Variants in PPP3CA observed in about 807,000 individuals in gnomAD.
PPP3CA encodes the protein protein phosphatase 3 catalytic subunit alpha, also known as CAM-PRP catalytic subunit.
Under a neutral mutation model 66.5 loss-of-function variants are expected in PPP3CA, and 14 were observed. The ratio of observed to expected loss-of-function variants is 0.21; its 90% CI spans 0.14 to 0.33. PPP3CA has a LOEUF of 0.33. PPP3CA is among the 10% of genes least tolerant of loss of function. PPP3CA has a pLI of 1.00. For missense variants in PPP3CA, 317 were observed against 639.5 expected (o/e 0.50, Z 5.44); for synonymous variants, 232 against 226.2 (o/e 1.03, Z -0.23).
At chr4:101,060,367 A>C (rs1030618490) in intron 10 of PPP3CA, among the ~76,000 whole-genome samples, 10 of 152,042 alleles carry the variant, frequency 6.6e-5, no homozygotes, top group African/African-American at 2.4e-4. Context: ...CCCGGCCTCA[A>C]CTGTACTTCT....
chr4:101,211,844 T>C (rs999475011), intron 1 of PPP3CA, among the ~76,000 whole-genome samples: 6 of 152,188 alleles, frequency 3.9e-5, no homozygotes, highest in South Asian at 2.1e-4. Flanking sequence ...GAGCTCTACA[T>C]GCAACAAACT....
rs1156736728 is a variant in PPP3CA, at chr4:101,106,373, A to AAAAG, written c.384+2577_384+2580dup. On this transcript the variant is annotated intron_variant, in intron 3 of 13. Coordinates refer to ENST00000394854, the MANE Select transcript of PPP3CA (RefSeq NM_000944.5). ...AGACCCTGTCTCATTTAAAAGAGAG[A>AAAAG]AAAGAAAGAAAGAAAGAAAGAAAGA... is the stretch of plus-strand genomic sequence containing the variant. 2.7e-3 allele frequency among the ~76,000 whole-genome samples: 38 copies of AAAAG among 14,112 alleles called. 2 individuals carry two copies. The highest frequency in any genetic ancestry group is 0.031 in the Middle Eastern group (1 of 32). The allele number at this position is 14,112 out of a possible 152,430, so 9.3% of individuals were successfully genotyped here. A position where few individuals can be genotyped will look rare whatever the true frequency, so the allele number is the denominator to read the frequency against.
intron 10 of PPP3CA, among the ~76,000 whole-genome samples, chr4:101,048,824 A>C (rs1262769228): frequency 6.6e-6 from 1 of 152,128 alleles, no homozygotes; most frequent in African/African-American, 2.4e-5. Flanking sequence ...AAGAGCCTGC[A>C]ATGAATGGTG....
chr4:101,285,100 TC>T (rs1342907824), intron 1 of PPP3CA, among the ~76,000 whole-genome samples: 2 of 152,054 alleles, frequency 1.3e-5, no homozygotes, highest in Non-Finnish European at 2.9e-5. Context: ...CTATCTTGTC[TC>T]CCTCTATCTG....
At chr4:101,126,221 G>C (rs1046180181) in intron 2 of PPP3CA, among the ~76,000 whole-genome samples, 1 of 152,120 alleles carries the variant, frequency 6.6e-6, no homozygotes, top group Non-Finnish European at 1.5e-5. Flanking sequence ...CTAAAATATG[G>C]TGAAAACATT....
chr4:101,249,184 A>T (rs1726593050), intron 1 of PPP3CA, among the ~76,000 whole-genome samples: 1 of 151,952 alleles, frequency 6.6e-6, no homozygotes. Context: ...AAAAAACCAA[A>T]AAACAAATTA....
chr4:101,324,222 A>AAGGG (rs1729141762), intron 1 of PPP3CA, among the ~76,000 whole-genome samples: 8 of 126,408 alleles, frequency 6.3e-5, no homozygotes, highest in African/African-American at 1.7e-4. Flanking sequence ...GGAAGGAAGG[A>AAGGG]AAGGAGGGAA....
At chr4:101,083,059 T>C in intron 7 of PPP3CA, 127 bp downstream of exon 7, 2 of 587,608 alleles carry the variant, frequency 3.4e-6, no homozygotes, top group Admixed American at 3.1e-5. Context: ...CATCAGAAGA[T>C]AATTTTAAGC....
intron 1 of PPP3CA, among the ~76,000 whole-genome samples, chr4:101,305,021 A>G (rs1298196456): frequency 6.6e-6 from 1 of 152,238 alleles, no homozygotes; most frequent in African/African-American, 2.4e-5. Flanking sequence ...CACTTGTGAA[A>G]AGCACAATAA....
chr4:101,181,026 G>A (rs1241929601), intron 2 of PPP3CA, among the ~76,000 whole-genome samples: 1 of 151,994 alleles, frequency 6.6e-6, no homozygotes, highest in Non-Finnish European at 1.5e-5. Context: ...CATTCCAGGT[G>A]AGTGACAAAG....
chr4:101,339,408 G>C (rs2110340563), intron 1 of PPP3CA, among the ~76,000 whole-genome samples: 1 of 152,290 alleles, frequency 6.6e-6, no homozygotes, highest in African/African-American at 2.4e-5. Context: ...ACAGCTGTCA[G>C]GTTCAAGCAA....
intron 1 of PPP3CA, among the ~76,000 whole-genome samples, chr4:101,341,639 A>T (rs1015600502): frequency 2.6e-5 from 4 of 152,186 alleles, no homozygotes; most frequent in Non-Finnish European, 5.9e-5. Flanking sequence ...GGTCCTCACA[A>T]GTTGACAGTG....
At chr4:101,098,307 G>A (rs1730289600) in intron 5 of PPP3CA, 60 bp downstream of exon 5, 2 of 1,451,972 alleles carry the variant, frequency 1.4e-6, no homozygotes, top group South Asian at 2.9e-5. Context: ...GGTAATTAAT[G>A]TCTTCTATTT....
intron 8 of PPP3CA, among the ~76,000 whole-genome samples, chr4:101,071,424 C>CT (rs1728912882): frequency 6.6e-6 from 1 of 152,092 alleles, no homozygotes; most frequent in African/African-American, 2.4e-5. Context: ...TCTAGAATTC[C>CT]TAGATAATGA....
intron 1 of PPP3CA, among the ~76,000 whole-genome samples, chr4:101,289,931 C>T (rs1005591869): frequency 6.7e-6 from 1 of 149,386 alleles, no homozygotes; most frequent in African/African-American, 2.5e-5. Flanking sequence ...TTAAGACTAA[C>T]ATTAAAATGG....
chr4:101,190,694 C>T (rs1247509036), intron 2 of PPP3CA, among the ~76,000 whole-genome samples: 1 of 152,010 alleles, frequency 6.6e-6, no homozygotes, highest in Non-Finnish European at 1.5e-5. Context: ...TCCCCAAGAG[C>T]TTGTAAAGAA....
intron 1 of PPP3CA, among the ~76,000 whole-genome samples, chr4:101,257,448 G>A (rs1726881031): frequency 1.3e-5 from 2 of 150,080 alleles, no homozygotes; most frequent in Admixed American, 6.7e-5. Flanking sequence ...ACAAATATTT[G>A]TTTATAGGCT....
At chr4:101,196,911 G>A (rs946267971) in intron 1 of PPP3CA, among the ~76,000 whole-genome samples, 11 of 152,062 alleles carry the variant, frequency 7.2e-5, no homozygotes, top group African/African-American at 1.4e-4. Context: ...CACTCATTCC[G>A]CCAGAGGACA....
intron 1 of PPP3CA, among the ~76,000 whole-genome samples, chr4:101,208,099 T>C (rs1408458268): frequency 4.6e-5 from 7 of 152,202 alleles, no homozygotes; most frequent in African/African-American, 1.7e-4. Context: ...AAATACACTA[T>C]ATTTTATTAT....
Sources: gnomAD v4.1 joint callset for allele counts (sites outside exome capture counted in the v4.1 genomes callset) on GRCh38, gnomAD v4.1.1 for gene constraint, MANE v1.5 for transcripts, NCBI Gene and HGNC (gene_info 2026-07-23, HGNC 2026-07-21) for gene names.